The following TVP23A variants were observed in gnomAD, a reference collection of about 807,000 sequenced individuals.
TVP23A encodes the protein trans-golgi network vesicle protein 23 homolog A.
Under a neutral mutation model 31.7 loss-of-function variants are expected in TVP23A, and 21 were observed. The ratio of observed to expected loss-of-function variants is 0.66; its 90% CI spans 0.47 to 0.95. TVP23A has a LOEUF of 0.95. Ranked by LOEUF, TVP23A falls within the 40% of genes least tolerant of loss-of-function variation. TVP23A has a pLI of 0.00. For synonymous variants in TVP23A, 104 were observed against 96.0 expected (o/e 1.08, Z -0.49); for missense variants, 279 against 255.6 (o/e 1.09, Z -0.62).
In TVP23A at chr16:10,767,516, G is replaced by A. The variant is rs960854874; in HGVS notation, c.*1586C>T. ...CATGCAAGTGTGCACATTTATATGCGCATAATCTTTCTGGAAAGACACCTA... is the reference window on the plus strand; with the variant it reads ...CATGCAAGTGTGCACATTTATATGCACATAATCTTTCTGGAAAGACACCTA... On this transcript the variant is annotated 3_prime_UTR_variant, in exon 8 of 8. Transcript: ENST00000299866. The surrounding 1 kb of genome is among the most constrained non-coding windows in gnomAD (Gnocchi z 4.6). 1.3e-4 allele frequency: 58 copies of A among 436,506 alleles called. No individual in the cohort carries two copies. Among genetic ancestry groups the A allele is most frequent in the African/African-American group, 4.9e-4 (24 of 49,482 alleles). The allele number at this position is 436,506 out of a possible 1,614,324, so 27.0% of individuals were successfully genotyped here. A position where few individuals can be genotyped will look rare whatever the true frequency, so the allele number is the denominator to read the frequency against.
chr16:10,810,472 G>A (rs916917733), intron 2 of TVP23A, among the ~76,000 whole-genome samples: 11 of 151,622 alleles, frequency 7.3e-5, no homozygotes, highest in East Asian at 5.8e-4. Flanking sequence ...AATTGAGCCC[G>A]GGAGGTGGAG....
rs2031306628 is a variant in TVP23A, at chr16:10,769,010, G to A, written c.*92C>T. 1 of 1,603,350 alleles carries A rather than the reference G, an allele frequency of 6.2e-7. No homozygotes were observed. Among genetic ancestry groups the A allele is most frequent in the African/African-American group, 1.3e-5 (1 of 74,828 alleles). ...GACAGGGCTGTCAAGGGGTAGACAAGCCATTAGCACTCTATGCCTGTCGTC... is the reference window on the plus strand; with the variant it reads ...GACAGGGCTGTCAAGGGGTAGACAAACCATTAGCACTCTATGCCTGTCGTC... On this transcript the variant is annotated 3_prime_UTR_variant, in exon 8 of 8. Coordinates refer to ENST00000299866, the MANE Select transcript of TVP23A (RefSeq NM_001079512.4).
At position 10,779,332 on chromosome 16, in the gene TVP23A, C is replaced by T. The variant is rs1228387731; in HGVS notation, c.90-4236G>A. Among the ~76,000 whole-genome samples, 5 of 152,212 alleles carry T rather than the reference C, an allele frequency of 3.3e-5. No individual in the cohort carries two copies. Among genetic ancestry groups the T allele is most frequent in the Admixed American group, 3.3e-4 (5 of 15,286 alleles). On this transcript the variant is annotated intron_variant, in intron 2 of 7. Coordinates refer to ENST00000299866, the MANE Select transcript of TVP23A (RefSeq NM_001079512.4). This position sits in a 1 kb window ranked among gnomAD's most constrained non-coding sequence, Gnocchi z 4.9. ...TATCTGGAGTTTGCCCAGCCTGTGC[C>T]TCTAGCTAATACTGTGTGATCTCAG...
At chr16:10,787,643 G>A (rs1305968345) in intron 2 of TVP23A, among the ~76,000 whole-genome samples, 1 of 151,476 alleles carries the variant, frequency 6.6e-6, no homozygotes, top group Non-Finnish European at 1.5e-5. Context: ...CCTTAAGCCT[G>A]TCTATAAAAT....
At chr16:10,797,853 T>C (rs2033475025) in intron 2 of TVP23A, among the ~76,000 whole-genome samples, 1 of 152,154 alleles carries the variant, frequency 6.6e-6, no homozygotes, top group African/African-American at 2.4e-5. Context: ...TGATTGGTCA[T>C]GAATTGGGCA....
At chr16:10,761,793 G>A (rs144134176), downstream of TVP23A, 232 of 1,614,064 alleles carry the variant, frequency 1.4e-4, no homozygotes, top group African/African-American at 1.0e-3. Context: ...AACCGGGGGC[G>A]CGGAGCTCAT....
downstream of TVP23A, among the ~76,000 whole-genome samples, chr16:10,758,510 G>A (rs1327122561): frequency 1.3e-5 from 2 of 152,180 alleles, no homozygotes; most frequent in African/African-American, 4.8e-5. Flanking sequence ...CTTTGGTCTA[G>A]ACATTTGCAG....
At chr16:10,808,594 T>G in intron 2 of TVP23A, 1 of 454,558 alleles carries the variant, frequency 2.2e-6, no homozygotes, top group Non-Finnish European at 4.4e-6. Flanking sequence ...CTAGGAGTTT[T>G]GAGACCCGGT....
chr16:10,767,896 C>A lies in TVP23A; in HGVS notation c.*1206G>T. 6.6e-7 allele frequency: 1 copy of A among 1,514,900 alleles called. No individual in the cohort carries two copies. The highest frequency in any genetic ancestry group is 9.2e-7 in the Non-Finnish European group (1 of 1,090,044). The allele number at this position is 1,514,900 out of a possible 1,614,324, so 93.8% of individuals were successfully genotyped here. ...CGGAAAGAGCCCCAAGATCTTGTGG[C>A]CATTCTGTTTTCCTCTTGGACTGAA... On this transcript the variant is annotated 3_prime_UTR_variant, in exon 8 of 8. Transcript: ENST00000299866. This position sits in a 1 kb window ranked among gnomAD's most constrained non-coding sequence, Gnocchi z 4.6.
At chr16:10,800,811 C>T (rs913864556) in intron 2 of TVP23A, among the ~76,000 whole-genome samples, 4 of 152,110 alleles carry the variant, frequency 2.6e-5, no homozygotes, top group Non-Finnish European at 5.9e-5. Context: ...TGGCGAAACC[C>T]CATCTCTACT....
downstream of TVP23A, among the ~76,000 whole-genome samples, chr16:10,758,275 A>G (rs1186373827): frequency 6.6e-6 from 1 of 152,196 alleles, no homozygotes; most frequent in Non-Finnish European, 1.5e-5. Flanking sequence ...GTTCGGGACC[A>G]GCCTGAAAAA....
intron 2 of TVP23A, among the ~76,000 whole-genome samples, chr16:10,793,497 T>A (rs1401517514): frequency 6.6e-6 from 1 of 152,098 alleles, no homozygotes; most frequent in Admixed American, 6.5e-5. Context: ...CATTTTCAGG[T>A]ACTTGTTATA....
At chr16:10,775,403 A>G (rs2031939978) in intron 2 of TVP23A, 2 of 1,154,722 alleles carry the variant, frequency 1.7e-6, no homozygotes, top group Middle Eastern at 3.8e-4. Context: ...GAAACGTGAC[A>G]GCAGTCACTG....
At chr16:10,795,376 GA>G (rs1363089071) in intron 2 of TVP23A, among the ~76,000 whole-genome samples, 2 of 151,542 alleles carry the variant, frequency 1.3e-5, no homozygotes, top group African/African-American at 4.9e-5. Context: ...TCAGCCTCCC[GA>G]GTAGCTGGGA....
chr16:10,781,544 A>T (rs1044452342), intron 2 of TVP23A, among the ~76,000 whole-genome samples: 3 of 152,134 alleles, frequency 2.0e-5, no homozygotes, highest in Non-Finnish European at 4.4e-5. Flanking sequence ...CTCAACCTGG[A>T]ATGTGTGTGA....
intron 5 of TVP23A, among the ~76,000 whole-genome samples, chr16:10,772,918 T>C (rs986554544): frequency 6.6e-6 from 1 of 152,216 alleles, no homozygotes; most frequent in Non-Finnish European, 1.5e-5. Context: ...GGTCTCACTC[T>C]AGCACCCAGG....
chr16:10,809,564 G>C (rs2034101227), intron 2 of TVP23A, among the ~76,000 whole-genome samples: 1 of 152,260 alleles, frequency 6.6e-6, no homozygotes, highest in East Asian at 1.9e-4. Flanking sequence ...AGAGCAAAAG[G>C]AGCTATGTGG....
At position 10,777,931 on chromosome 16, in the gene TVP23A, A is replaced by C. The variant is rs949858166; in HGVS notation, c.90-2835T>G. On this transcript the variant is annotated intron_variant, in intron 2 of 7. Coordinates refer to ENST00000299866, the MANE Select transcript of TVP23A (RefSeq NM_001079512.4). The surrounding 1 kb of genome is among the most constrained non-coding windows in gnomAD (Gnocchi z 4.5). ...GACGCTGAGGCAGGAGAATTGCTTG[A>C]ATCTGGGAGGCGGAGGTTGCAGTGA... Among the ~76,000 whole-genome samples, 1 of 152,114 alleles carries C rather than the reference A, an allele frequency of 6.6e-6. No homozygotes were observed. The highest frequency in any genetic ancestry group is 2.4e-5 in the African/African-American group (1 of 41,428).
chr16:10,797,591 C>T (rs1033583823), intron 2 of TVP23A, among the ~76,000 whole-genome samples: 2 of 151,518 alleles, frequency 1.3e-5, no homozygotes, highest in African/African-American at 2.4e-5. Context: ...ATTAGCCAGG[C>T]GTGGTAGTGC....
Sources: allele counts gnomAD v4.1 joint callset (sites outside exome capture counted in the v4.1 genomes callset), GRCh38; gene constraint gnomAD v4.1.1; non-coding constraint Gnocchi (gnomAD v3.1); transcripts MANE v1.5; gene names NCBI Gene and HGNC (gene_info 2026-07-23, HGNC 2026-07-21).